ZNF77: variants seen among roughly 807,000 people sequenced by gnomAD.
The protein encoded by ZNF77 is zinc finger protein 77.
A neutral mutation model predicts 13.5 loss-of-function variants in ZNF77; 15 were observed. That is an observed-to-expected ratio of 1.11 (90% CI 0.74 to 1.71). ZNF77 has a LOEUF of 1.71. ZNF77 is among the 40% of genes most tolerant of loss of function. ZNF77 has a pLI of 0.00. For missense variants in ZNF77, 717 were observed against 676.4 expected (o/e 1.06, Z -0.67); for synonymous variants, 282 against 250.0 (o/e 1.13, Z -1.21).
At chr19:2,942,887 C>T (rs2088462623) in intron 1 of ZNF77, among the ~76,000 whole-genome samples, 1 of 152,088 alleles carries the variant, frequency 6.6e-6, no homozygotes, top group African/African-American at 2.4e-5. Flanking sequence ...TCAAGCAATT[C>T]TCCCTGCCTC....
intron 1 of ZNF77, 129 bp downstream of exon 1, chr19:2,944,709 G>C: frequency 7.6e-7 from 1 of 1,314,628 alleles, no homozygotes; most frequent in Non-Finnish European, 1.0e-6. Flanking sequence ...ACGTCCCCGG[G>C]GCCCAGGCGC....
rs1409145418 is a variant in ZNF77 at position 2,944,922 on chromosome 19, G to A, written c.-82C>T. On this transcript the variant is annotated 5_prime_UTR_variant, in exon 1 of 4. Coordinates refer to ENST00000314531, the MANE Select transcript of ZNF77 (RefSeq NM_021217.3). ...CAGGTGAGCACGACAGGACACCTGA[G>A]CCGCTCGGGGTAGGCGGGGAAGCGC... The A allele has an allele frequency of 1.4e-5, 21 of 1,472,450 alleles. No homozygotes were observed. The East Asian group carries it at 5.0e-4, about 35-fold the overall frequency. The allele number at this position is 1,472,450 out of a possible 1,614,324, so 91.2% of individuals were successfully genotyped here. A position where few individuals can be genotyped will look rare whatever the true frequency, so the allele number is the denominator to read the frequency against.
In ZNF77 at chr19:2,936,432, A is replaced by G. The variant is rs1039000091; in HGVS notation, c.311+92T>C. 5.8e-6 allele frequency: 8 copies of G among 1,377,718 alleles called. No homozygotes were observed. The African/African-American group carries it at 1.0e-4, about 18-fold the overall frequency. The allele number at this position is 1,377,718 out of a possible 1,614,324, so 85.3% of individuals were successfully genotyped here. ...CCAAAGTGCTGGGATTACAGGCGCG[A>G]GCCCCTGTGCCCAGCCGATACTTTT... is the stretch of plus-strand genomic sequence containing the variant. On this transcript the variant is annotated intron_variant, in intron 3 of 3. Transcript: ENST00000314531.
chr19:2,943,692 A>ATTTTTTTTTTTTTTTTTTTTTT (rs10633206), intron 1 of ZNF77, among the ~76,000 whole-genome samples: 16 of 76,766 alleles, frequency 2.1e-4, no homozygotes, highest in Non-Finnish European at 3.0e-4. Context: ...TCTAGCCAGG[A>ATTTTTTTTTTTTTTTTTTTTTT]TTTTTTTTTT....
chr19:2,942,366 G>A (rs1042950786), intron 1 of ZNF77, among the ~76,000 whole-genome samples: 10 of 136,524 alleles, frequency 7.3e-5, no homozygotes, highest in Admixed American at 7.1e-4. Context: ...CACCGCGCCC[G>A]GCTCTTTTTT....
intron 2 of ZNF77, among the ~76,000 whole-genome samples, chr19:2,938,039 G>C (rs1217640828): frequency 2.6e-5 from 4 of 152,164 alleles, no homozygotes; most frequent in Non-Finnish European, 5.9e-5. Context: ...TTACAGGCGT[G>C]AGCCACTGCG....
chr19:2,942,310 T>C (rs576313414), intron 1 of ZNF77, among the ~76,000 whole-genome samples: 24 of 149,324 alleles, frequency 1.6e-4, no homozygotes, highest in Admixed American at 8.8e-4. Flanking sequence ...GACCTTGTGA[T>C]CCGCCCACCT....
intron 1 of ZNF77, 122 bp downstream of exon 1, chr19:2,944,716 G>A (rs575781974): frequency 8.9e-6 from 12 of 1,343,714 alleles, no homozygotes; most frequent in Non-Finnish European, 8.8e-6. Flanking sequence ...CGGGGCCCAG[G>A]CGCTCGTCGT....
At position 2,934,770 on chromosome 19, in the gene ZNF77, G is replaced by A. The variant is rs530271258; in HGVS notation, c.357C>T (p.Cys119=). ...RLCESNEGHQ[C]GETLSQTANL... ...TCGCAGTCTGGCTCAAGGTCTCTCC[G>A]CATTGATGACCTTCATTACTTTCAC... The change falls in exon 4 of 4, where the codon TGC becomes TGT. Residue 119 remains cysteine (C), a synonymous_variant. Transcript: ENST00000314531. The A allele has an allele frequency of 5.9e-5, 95 of 1,613,514 alleles. No individual in the cohort carries two copies. The highest frequency in any genetic ancestry group is 8.9e-5 in the East Asian group (4 of 44,876).
chr19:2,933,757 G>A lies in ZNF77; in HGVS notation c.1370C>T (p.Thr457Ile). The change falls in exon 4 of 4, where the codon ACC (threonine) becomes ATC (isoleucine). Residue 457 changes from threonine to isoleucine, a missense_variant. Physicochemically the swap from Thr to Ile is moderately conservative, Grantham distance 89 (BLOSUM62 -1). Transcript: ENST00000314531. ...CHSSLREHVR[T>I]HSGEKPYECN... ...TTCGTACGGTTTCTCTCCGCTGTGG[G>A]TTCGCACATGCTCTCGAAGGGAGGA... 1 of 1,613,030 alleles carries A rather than the reference G, an allele frequency of 6.2e-7. No homozygotes were observed. The highest frequency in any genetic ancestry group is 2.2e-5 in the East Asian group (1 of 44,840).
At chr19:2,944,757 C>A in intron 1 of ZNF77, 81 bp downstream of exon 1, 1 of 1,461,056 alleles carries the variant, frequency 6.8e-7, no homozygotes, top group Admixed American at 2.5e-5. Context: ...CAGCTTTCTC[C>A]GGCTGCGAAC....
At position 2,944,837 on chromosome 19, in the gene ZNF77, C is replaced by A; in HGVS notation, c.3+1G>T. Reference sequence around the variant, plus strand: ...GGGCTCGGCTCCCGCCCGGCACTCACCATGTCCCGCCCGCTCCTGGGCTCT... The same window carrying A: ...GGGCTCGGCTCCCGCCCGGCACTCAACATGTCCCGCCCGCTCCTGGGCTCT... On this transcript the variant is annotated splice_donor_variant, in intron 1 of 3. Transcript: ENST00000314531. LOFTEE classifies it high-confidence loss of function. The A allele has an allele frequency of 2.0e-6, 3 of 1,526,058 alleles. No individual in the cohort carries two copies. The South Asian group carries it at 3.6e-5, about 18-fold the overall frequency. The allele number at this position is 1,526,058 out of a possible 1,614,324, so 94.5% of individuals were successfully genotyped here.
At chr19:2,939,487 C>G in intron 1 of ZNF77, 80 bp from the exon 2 acceptor site, 1 of 1,577,914 alleles carries the variant, frequency 6.3e-7, no homozygotes, top group Non-Finnish European at 8.6e-7. Flanking sequence ...GGCTGACAGC[C>G]TGGGGAACTG....
At chr19:2,942,494 G>A (rs112921673) in intron 1 of ZNF77, among the ~76,000 whole-genome samples, 2,663 of 151,526 alleles carry the variant, frequency 0.018, 35 homozygotes, top group Non-Finnish European at 0.026. Flanking sequence ...AAGTGGCTGG[G>A]ACCACAGGTG....
At chr19:2,939,454 C>T (rs765359850) in intron 1 of ZNF77, 47 bp from the exon 2 acceptor site, 2 of 1,604,690 alleles carry the variant, frequency 1.2e-6, no homozygotes, top group South Asian at 1.1e-5. Flanking sequence ...CCGCCTCCCC[C>T]ATGTGCGCAG....
chr19:2,936,837 G>C (rs2088402479), intron 2 of ZNF77, 133 bp from the exon 3 acceptor site: 1 of 826,834 alleles, frequency 1.2e-6, no homozygotes, highest in Admixed American at 3.4e-5. Flanking sequence ...TGCTATCAAA[G>C]TGAGACTCTG....
At position 2,938,770 on chromosome 19, in the gene ZNF77, C is replaced by T. The variant is rs372103968; in HGVS notation, c.130+511G>A. Among the ~76,000 whole-genome samples, 8 of 152,196 alleles carry T rather than the reference C, an allele frequency of 5.3e-5. No homozygotes were observed. In the South Asian group the frequency reaches 1.0e-3, roughly 20 times the overall value. ...AGGAGATCGAGACCATCCTGGCTAACACGGTGAAACCCCATCTCTACTAAA... is the reference window on the plus strand; with the variant it reads ...AGGAGATCGAGACCATCCTGGCTAATACGGTGAAACCCCATCTCTACTAAA... On this transcript the variant is annotated intron_variant, in intron 2 of 3. Transcript: ENST00000314531.
At chr19:2,942,467 T>A (rs568301531) in intron 1 of ZNF77, among the ~76,000 whole-genome samples, 4 of 145,242 alleles carry the variant, frequency 2.8e-5, no homozygotes, top group Admixed American at 1.4e-4. Flanking sequence ...CAAGCGATTC[T>A]CCCCCCTCAG....
At chr19:2,941,165 G>A (rs1365359249) in intron 1 of ZNF77, among the ~76,000 whole-genome samples, 2 of 110,732 alleles carry the variant, frequency 1.8e-5, no homozygotes, top group Non-Finnish European at 3.4e-5. Flanking sequence ...ACAGAGAGAC[G>A]CCCTACCTCA....
Sources: gnomAD v4.1 joint callset for allele counts (sites outside exome capture counted in the v4.1 genomes callset) on GRCh38, gnomAD v4.1.1 for gene constraint, MANE v1.5 for transcripts, NCBI Gene and HGNC (gene_info 2026-07-23, HGNC 2026-07-21) for gene names.